The following ZDHHC18 variants were observed in gnomAD, a reference collection of about 807,000 sequenced individuals.
ZDHHC18 encodes zDHHC palmitoyltransferase 18, also known as palmitoyltransferase ZDHHC18.
In ZDHHC18, 23 loss-of-function variants were observed where a neutral mutation model predicts 37.5. The observed-to-expected ratio is 0.61, with a 90% CI of 0.44 to 0.87. The LOEUF (loss-of-function observed/expected upper bound fraction) is 0.87. Among genes scored for constraint, ZDHHC18 ranks in the 40% least tolerant of loss-of-function variants. ZDHHC18 has a pLI of 0.00. For synonymous variants in ZDHHC18, 185 were observed against 218.7 expected (o/e 0.85, Z 1.36); for missense variants, 406 against 525.6 (o/e 0.77, Z 2.22).
chr1:26,832,423 A>G, intron 1 of ZDHHC18, 24 bp from the exon 2 acceptor site: 1 of 1,613,288 alleles, frequency 6.2e-7, no homozygotes, highest in Non-Finnish European at 8.5e-7. Context: ...GTGTCTGCTG[A>G]TCTCTCTCCA....
intron 1 of ZDHHC18, 77 bp from the exon 2 acceptor site, chr1:26,832,370 G>A (rs2081592017): frequency 7.1e-6 from 11 of 1,552,318 alleles, no homozygotes; most frequent in African/African-American, 4.1e-5. Flanking sequence ...GAATGACAGC[G>A]CCTGCCACGT....
intron 2 of ZDHHC18, among the ~76,000 whole-genome samples, chr1:26,843,129 CTTTCTTTCTTTTTTT>C (rs1478059593): frequency 6.6e-6 from 1 of 150,810 alleles, no homozygotes; most frequent in Admixed American, 6.6e-5. Context: ...TTCCTTTTTT[CTTTCTTTCTTTTTTT>C]TTTTTTTCTT....
intron 7 of ZDHHC18, 143 bp downstream of exon 7, chr1:26,853,008 A>G (rs1013628528): frequency 4.0e-5 from 26 of 646,134 alleles, no homozygotes; most frequent in Admixed American, 3.5e-4. Context: ...CATGTGACGG[A>G]ATTCCATGGA....
intron 2 of ZDHHC18, among the ~76,000 whole-genome samples, chr1:26,845,698 GA>G (rs201964536): frequency 2.7e-5 from 4 of 150,584 alleles, no homozygotes; most frequent in Non-Finnish European, 4.4e-5. Flanking sequence ...ACCTTTAAAT[GA>G]AAAAAAAATT....
chr1:26,848,852 G>T, intron 3 of ZDHHC18, 95 bp downstream of exon 3: 1 of 1,500,258 alleles, frequency 6.7e-7, no homozygotes, highest in Non-Finnish European at 9.0e-7. Context: ...GCGTGGGCAG[G>T]GTCTGAAATA....
chr1:26,851,959 G>GAGCATCTGTTTCAGGGCCC (rs1553158398), intron 6 of ZDHHC18, among the ~76,000 whole-genome samples: 1 of 152,184 alleles, frequency 6.6e-6, no homozygotes, highest in Non-Finnish European at 1.5e-5. Context: ...AAGTAAATGA[G>GAGCATCTGTTTCAGGGCCC]AGCATCTGTT....
chr1:26,836,511 C>G (rs1317643498), intron 2 of ZDHHC18, among the ~76,000 whole-genome samples: 1 of 152,054 alleles, frequency 6.6e-6, no homozygotes, highest in Non-Finnish European at 1.5e-5. Context: ...TGAGTCCAGC[C>G]TTTGTGATTT....
Position 26,848,698 on chromosome 1 carries a change from C to T in ZDHHC18, c.587C>T (p.Thr196Ile). ...ATGGTGAAGCTGAAGTACTGCTTCA[C>T]CTGCAAGATGTTCCGGCCACCCCGA... Reference protein sequence around the residue: ...GQMVKLKYCFTCKMFRPPRTS... With the variant: ...GQMVKLKYCFICKMFRPPRTS... The change falls in exon 3 of 8, where the codon ACC becomes ATC. Residue 196 changes from threonine to isoleucine, a missense_variant. Coordinates refer to ENST00000374142, the MANE Select transcript of ZDHHC18 (RefSeq NM_032283.3). The T allele has an allele frequency of 6.2e-7, 1 of 1,614,112 alleles. No individual in the cohort carries two copies. Among genetic ancestry groups the T allele is most frequent in the Non-Finnish European group, 8.5e-7 (1 of 1,179,968 alleles).
At chr1:26,831,002 C>T (rs944559603) in intron 1 of ZDHHC18, among the ~76,000 whole-genome samples, 7 of 152,084 alleles carry the variant, frequency 4.6e-5, no homozygotes, top group Admixed American at 3.9e-4. Flanking sequence ...AGGCTGGTCT[C>T]GAACTCCTGA....
chr1:26,845,318 T>C (rs536758760), intron 2 of ZDHHC18, among the ~76,000 whole-genome samples: 16 of 123,450 alleles, frequency 1.3e-4, no homozygotes, highest in Non-Finnish European at 2.3e-4. Context: ...TACTTCTTCA[T>C]TCTTTTTTTT....
chr1:26,846,390 A>G (rs1337301101), intron 2 of ZDHHC18, among the ~76,000 whole-genome samples: 2 of 124,592 alleles, frequency 1.6e-5, no homozygotes, highest in South Asian at 2.6e-4. Flanking sequence ...GCAGTGGCCC[A>G]ATCTCGGCTC....
At chr1:26,849,313 A>C (rs1341969891) in intron 3 of ZDHHC18, among the ~76,000 whole-genome samples, 1 of 152,166 alleles carries the variant, frequency 6.6e-6, no homozygotes, top group Non-Finnish European at 1.5e-5. Context: ...CCTGCTCTCC[A>C]GAGGCTGTGT....
At chr1:26,843,143 T>A (rs371674846) in intron 2 of ZDHHC18, among the ~76,000 whole-genome samples, 29 of 151,410 alleles carry the variant, frequency 1.9e-4, no homozygotes, top group African/African-American at 6.5e-4. Context: ...CTTTCTTTTT[T>A]TTTTTTTTCT....
At chr1:26,829,983 C>T (rs568189473) in intron 1 of ZDHHC18, among the ~76,000 whole-genome samples, 3 of 152,308 alleles carry the variant, frequency 2.0e-5, no homozygotes, top group African/African-American at 7.2e-5. Flanking sequence ...TGACACTGAG[C>T]GCCCACTGGT....
In ZDHHC18 at chr1:26,850,195, G is replaced by A. The variant is rs1368635047; in HGVS notation, c.647-106G>A. The A allele has an allele frequency of 4.2e-6, 6 of 1,425,616 alleles. No homozygotes were observed. The highest frequency in any genetic ancestry group is 2.5e-5 in the East Asian group (1 of 40,238). The allele number at this position is 1,425,616 out of a possible 1,614,324, so 88.3% of individuals were successfully genotyped here. A position where few individuals can be genotyped will look rare whatever the true frequency, so the allele number is the denominator to read the frequency against. ...AGGCCTGGGAGCCAGCTGGTGCTGC[G>A]AGAGTGAACGGGGTAGGAAAGCCCC... is the stretch of plus-strand genomic sequence containing the variant. On this transcript the variant is annotated intron_variant, in intron 3 of 7. Coordinates refer to ENST00000374142, the MANE Select transcript of ZDHHC18 (RefSeq NM_032283.3). This position sits in a 1 kb window ranked among gnomAD's most constrained non-coding sequence, Gnocchi z 6.1.
chr1:26,849,691 G>T (rs898655989), intron 3 of ZDHHC18, among the ~76,000 whole-genome samples: 2 of 152,242 alleles, frequency 1.3e-5, no homozygotes, highest in African/African-American at 4.8e-5. Context: ...CTTTGACCTG[G>T]CCTGTGATGC....
Position 26,850,371 on chromosome 1 carries a change from G to A in ZDHHC18, c.717G>A (p.Ala239=), listed in dbSNP as rs1287355935. Residue 239 remains alanine, a synonymous_variant, in exon 4 of 8, where the codon GCG becomes GCA. Coordinates refer to ENST00000374142, the MANE Select transcript of ZDHHC18 (RefSeq NM_032283.3). This position sits in a 1 kb window ranked among gnomAD's most constrained non-coding sequence, Gnocchi z 6.1. ...GACGGAACTATCGCTTCTTCTACGC[G>A]TTTATTCTCTCCCTCTCATTCCTGA... ...VGRRNYRFFY[A]FILSLSFLTA... 8.1e-6 allele frequency: 13 copies of A among 1,614,130 alleles called. No homozygotes were observed. Among genetic ancestry groups the A allele is most frequent in the South Asian group, 3.3e-5 (3 of 91,090 alleles).
chr1:26,848,526 G>T lies in ZDHHC18; in HGVS notation c.497-82G>T, dbSNP rs907483162. 1.9e-6 allele frequency: 3 copies of T among 1,542,242 alleles called. No individual in the cohort carries two copies. In the Admixed American group the frequency reaches 5.2e-5, roughly 27 times the overall value. ...CTGAGGCTTCTCCTGGACTGGCCAG[G>T]CAGCAGTAGCTTTCCCCTGCTGGGG... On this transcript the variant is annotated intron_variant, in intron 2 of 7. Transcript: ENST00000374142.
In ZDHHC18 at chr1:26,850,155, AG is replaced by A; in HGVS notation, c.647-144del. On this transcript the variant is annotated intron_variant, in intron 3 of 7. Transcript: ENST00000374142. The surrounding 1 kb of genome is among the most constrained non-coding windows in gnomAD (Gnocchi z 6.1). ...TGGGAACTGGTACACAAAGGACCAG[AG>A]GCAGGTGTGTCCAAGGCCTGGGAGC... 1 of 924,776 alleles carries A rather than the reference AG, an allele frequency of 1.1e-6. No homozygotes were observed. Among genetic ancestry groups the A allele is most frequent in the South Asian group, 1.7e-5 (1 of 59,118 alleles). 57.3% of individuals were successfully genotyped at this position (924,776 alleles called of 1,614,324 possible). A position where few individuals can be genotyped will look rare whatever the true frequency, so the allele number is the denominator to read the frequency against.
Sources: allele counts gnomAD v4.1 joint callset (sites outside exome capture counted in the v4.1 genomes callset), GRCh38; gene constraint gnomAD v4.1.1; non-coding constraint Gnocchi (gnomAD v3.1); transcripts MANE v1.5; gene names NCBI Gene and HGNC (gene_info 2026-07-23, HGNC 2026-07-21).